Variants in ARMC7 observed in about 807,000 individuals in gnomAD.
The protein encoded by ARMC7 is armadillo repeat containing 7, also known as armadillo repeat-containing protein 7.
ARMC7 carries 9 observed loss-of-function variants against 14.8 expected under a neutral mutation model. The ratio of observed to expected loss-of-function variants is 0.61; its 90% confidence interval spans 0.37 to 1.06. ARMC7 has a LOEUF of 1.06. Among genes scored for constraint, ARMC7 ranks in the 50% least tolerant of loss-of-function variants. The pLI is 0.01. For missense variants in ARMC7, 262 were observed against 267.1 expected, an observed-to-expected ratio of 0.98 and a Z score of 0.13; for synonymous variants, 125 against 123.4, an observed-to-expected ratio of 1.01 and a Z score of -0.09.
Position 75,110,451 on chromosome 17 carries a change from T to C in ARMC7, c.92-12T>C. The C allele has an allele frequency of 1.2e-6, 2 of 1,614,232 alleles. No individual in the cohort carries two copies. The highest frequency in any genetic ancestry group is 1.7e-6 in the Non-Finnish European group (2 of 1,180,048). ...GCCCGGACCTGGCTTCAGTGCCGCT[T>C]TCCCGTTGCAGACGCCAAGGAGCAA... On this transcript the variant is annotated splice_polypyrimidine_tract_variant and intron_variant, in intron 1 of 2. Transcript: ENST00000245543.
At chr17:75,116,293 A>AG (rs2073972352) in intron 2 of ARMC7, among the ~76,000 whole-genome samples, 1 of 152,208 alleles carries the variant, frequency 6.6e-6, no homozygotes, top group South Asian at 2.1e-4. Context: ...CAGGACTCTG[A>AG]GGCTTAGAGA....
intron 2 of ARMC7, among the ~76,000 whole-genome samples, chr17:75,115,540 TA>T (rs369912516): frequency 2.1e-3 from 297 of 140,704 alleles, no homozygotes; most frequent in African/African-American, 6.2e-3. Flanking sequence ...TCTGTCTCCA[TA>T]AAAAAAAAAA....
rs1406966053 is a variant in ARMC7 at position 75,128,946 on chromosome 17, TC to T, written c.511del (p.Arg171AlafsTer79). ...ACAGATCTTCCTGGAGGACTTCTGC[TC>T]CCCCCGCCAGGTGGCCGAGGCCCGC... ...LAQIFLEDFC[S>X]PRQVAEARSR... On this transcript the variant is annotated frameshift_variant, in exon 3 of 3. Transcript: ENST00000245543. LOFTEE classifies it high-confidence loss of function. 6.2e-7 allele frequency: 1 copy of T among 1,604,200 alleles called. No homozygotes were observed.
At chr17:75,121,735 A>G (rs2074015284) in intron 2 of ARMC7, among the ~76,000 whole-genome samples, 1 of 151,960 alleles carries the variant, frequency 6.6e-6, no homozygotes, top group Admixed American at 6.6e-5. Context: ...TATTTTTGCT[A>G]TTATGTTGAG....
chr17:75,119,512 G>A lies in ARMC7; in HGVS notation c.235+8906G>A, dbSNP rs184556116. On this transcript the variant is annotated intron_variant, in intron 2 of 2. Transcript: ENST00000245543. ...CGCCCAGGCTGGAGTGCAGTGGCGC[G>A]ATCTCGACTCACTGCAAGCTCCGCC... 6.0e-3 allele frequency among the ~76,000 whole-genome samples: 891 copies of A among 148,248 alleles called. 8 individuals are homozygous for A. Among genetic ancestry groups the A allele is most frequent in the African/African-American group, 0.021 (844 of 40,312 alleles).
At chr17:75,110,953 CAAAAAAAA>C (rs537195116) in intron 2 of ARMC7, among the ~76,000 whole-genome samples, 4 of 49,812 alleles carry the variant, frequency 8.0e-5, no homozygotes, top group Non-Finnish European at 1.2e-4. Flanking sequence ...GACCCCGTCT[CAAAAAAAA>C]AAAAAAAAAA....
Position 75,129,869 on chromosome 17 carries a change from G to C in ARMC7, c.*831G>C, listed in dbSNP as rs1302651708. On this transcript the variant is annotated 3_prime_UTR_variant, in exon 3 of 3. Transcript: ENST00000245543. Reference sequence around the variant, plus strand: ...AATGATGGGGAGCCCTACCCCAGAAGTGTATCCCACGAGGGCATCAGGGAC... The same window carrying C: ...AATGATGGGGAGCCCTACCCCAGAACTGTATCCCACGAGGGCATCAGGGAC... 1 of 152,640 alleles carries C rather than the reference G, an allele frequency of 6.6e-6. No homozygotes were observed. The highest frequency in any genetic ancestry group is 1.5e-5 in the Non-Finnish European group (1 of 68,426). The allele number at this position is 152,640 out of a possible 1,614,324, so 9.5% of individuals were successfully genotyped here. A position where few individuals can be genotyped will look rare whatever the true frequency, so the allele number is the denominator to read the frequency against.
chr17:75,112,294 C>G (rs146686474), intron 2 of ARMC7, among the ~76,000 whole-genome samples: 1 of 152,168 alleles, frequency 6.6e-6, no homozygotes, highest in Non-Finnish European at 1.5e-5. Flanking sequence ...ACAAAAATTC[C>G]TTTTTCAAGC....
intron 2 of ARMC7, among the ~76,000 whole-genome samples, chr17:75,122,384 G>A (rs908513728): frequency 5.9e-5 from 9 of 151,598 alleles, no homozygotes; most frequent in African/African-American, 1.2e-4. Flanking sequence ...TATTTTTGAC[G>A]GGGTTTCACT....
intron 2 of ARMC7, 45 bp from the exon 3 acceptor site, chr17:75,128,632 A>C (rs931759971): frequency 5.8e-6 from 9 of 1,564,940 alleles, no homozygotes; most frequent in South Asian, 2.4e-5. Context: ...AGGTGGGAGG[A>C]GGCCCGGGGC....
At chr17:75,112,503 T>C (rs892068075) in intron 2 of ARMC7, among the ~76,000 whole-genome samples, 2 of 152,116 alleles carry the variant, frequency 1.3e-5, no homozygotes, top group Non-Finnish European at 2.9e-5. Context: ...TTCCCCTCTT[T>C]ACGTATGATA....
chr17:75,126,885 A>AC (rs200387550), intron 2 of ARMC7, among the ~76,000 whole-genome samples: 5,343 of 150,530 alleles, frequency 0.035, 139 homozygotes, highest in Non-Finnish European at 0.053. Flanking sequence ...ACATGGTGAA[A>AC]CCCCGTCTCT....
At chr17:75,121,538 G>A (rs747182945) in intron 2 of ARMC7, among the ~76,000 whole-genome samples, 5 of 151,974 alleles carry the variant, frequency 3.3e-5, no homozygotes, top group African/African-American at 4.8e-5. Context: ...CTCAGCCTCC[G>A]GAGTAGCTGA....
In ARMC7 at chr17:75,128,604, G is replaced by T. The variant is rs938580536; in HGVS notation, c.236-73G>T. 6 of 1,543,640 alleles carry T rather than the reference G, an allele frequency of 3.9e-6. No homozygotes were observed. In the African/African-American group the frequency reaches 5.5e-5, roughly 14 times the overall value. On this transcript the variant is annotated intron_variant, in intron 2 of 2. Transcript: ENST00000245543. ...TTCTCAACAGCCTGGGCCCCTACCT[G>T]GGGCTCACGGGCAGGGGAGGTGGGA...
intron 2 of ARMC7, among the ~76,000 whole-genome samples, chr17:75,116,819 G>T (rs1054129995): frequency 5.9e-5 from 9 of 152,156 alleles, no homozygotes; most frequent in Admixed American, 2.0e-4. Flanking sequence ...GCTGCCCCTC[G>T]TCTGGCTGTC....
chr17:75,110,179 C>A lies in ARMC7; in HGVS notation c.-110C>A. On this transcript the variant is annotated 5_prime_UTR_variant, in exon 1 of 3. Transcript: ENST00000245543. ...AGGAAAGAAACCCATTTGCCGACCC[C>A]CTCTTCCCTCTCCAGACAGGTGGAG... 4.6e-6 allele frequency: 5 copies of A among 1,078,344 alleles called. No individual in the cohort carries two copies. The highest frequency in any genetic ancestry group is 6.5e-6 in the Non-Finnish European group (5 of 769,340). The allele number at this position is 1,078,344 out of a possible 1,614,324, so 66.8% of individuals were successfully genotyped here.
At position 75,110,443 on chromosome 17, in the gene ARMC7, G is replaced by GT; in HGVS notation, c.92-19dup. ...TGACCGCCGCCCGGACCTGGCTTCA[G>GT]TGCCGCTTTCCCGTTGCAGACGCCA... On this transcript the variant is annotated intron_variant, in intron 1 of 2. Coordinates refer to ENST00000245543, the MANE Select transcript of ARMC7 (RefSeq NM_024585.4). The GT allele has an allele frequency of 6.2e-6, 10 of 1,614,236 alleles. No individual in the cohort carries two copies. The highest frequency in any genetic ancestry group is 8.5e-6 in the Non-Finnish European group (10 of 1,180,040).
intron 2 of ARMC7, among the ~76,000 whole-genome samples, chr17:75,113,352 T>C (rs2073944556): frequency 6.8e-6 from 1 of 147,046 alleles, no homozygotes; most frequent in East Asian, 2.0e-4. Flanking sequence ...AAATACTTTT[T>C]ATTTATTTAT....
rs2074088993 is a variant in ARMC7 at position 75,129,861 on chromosome 17, C to T, written c.*823C>T. ...TGTCACTCAATGATGGGGAGCCCTA[C>T]CCCAGAAGTGTATCCCACGAGGGCA... is the stretch of plus-strand genomic sequence containing the variant. On this transcript the variant is annotated 3_prime_UTR_variant, in exon 3 of 3. Transcript: ENST00000245543. The T allele has an allele frequency of 6.6e-6, 1 of 152,644 alleles. No individual in the cohort carries two copies. The allele number at this position is 152,644 out of a possible 1,614,324, so 9.5% of individuals were successfully genotyped here. A position where few individuals can be genotyped will look rare whatever the true frequency, so the allele number is the denominator to read the frequency against.
Sources: gnomAD v4.1 joint callset for allele counts (sites outside exome capture counted in the v4.1 genomes callset) on GRCh38, gnomAD v4.1.1 for gene constraint, MANE v1.5 for transcripts, NCBI Gene and HGNC (gene_info 2026-07-23, HGNC 2026-07-21) for gene names.